REXO1: variants seen among roughly 807,000 people sequenced by gnomAD.
The protein encoded by REXO1 is RNA exonuclease 1 homolog.
REXO1 carries 42 observed loss-of-function variants against 102.6 expected under a neutral mutation model. The ratio of observed to expected loss-of-function variants is 0.41; its 90% CI spans 0.32 to 0.53. The LOEUF is 0.53. REXO1 is among the 20% of genes least tolerant of loss of function. REXO1 has a pLI of 0.27. For missense variants in REXO1, 1,819 were observed against 1,732.5 expected (o/e 1.05, Z -0.89); for synonymous variants, 908 against 779.1 (o/e 1.17, Z -2.76).
chr19:1,827,557 G>T lies in REXO1; in HGVS notation c.1232C>A (p.Pro411His). ...CTGCGGGCCCTTCTTGTCCGCACGG[G>T]GCTTCTCCACAGGCCGCCCTCGGCC... ...DKGRGRPVEK[P>H]RADKKGPQAS... is the part of the protein sequence containing the mutation. The change falls in exon 2 of 16, where the codon CCC becomes CAC. Residue 411 changes from proline (P) to histidine (H), a missense_variant. By Grantham distance (77) the Pro-to-His change is moderately conservative. Transcript: ENST00000170168. The T allele has an allele frequency of 6.3e-7, 1 of 1,595,056 alleles. No homozygotes were observed. The highest frequency in any genetic ancestry group is 8.5e-7 in the Non-Finnish European group (1 of 1,176,490).
At position 1,826,609 on chromosome 19, in the gene REXO1, G is replaced by A. The variant is rs1438828005; in HGVS notation, c.1911+269C>T. ...GGCCAATATCCCCCTGCCAGTCAGT[G>A]GGAACAGACCGTGTGCACGTGGCCA... On this transcript the variant is annotated intron_variant, in intron 2 of 15. Transcript: ENST00000170168. The surrounding 1 kb of genome is among the most constrained non-coding windows in gnomAD (Gnocchi z 4.3). Among the ~76,000 whole-genome samples, 2 of 152,078 alleles carry A rather than the reference G, an allele frequency of 1.3e-5. No individual in the cohort carries two copies. The highest frequency in any genetic ancestry group is 1.5e-5 in the Non-Finnish European group (1 of 67,994).
At chr19:1,825,134 T>C (rs1411239880) in intron 3 of REXO1, among the ~76,000 whole-genome samples, 1 of 149,650 alleles carries the variant, frequency 6.7e-6, no homozygotes, top group Non-Finnish European at 1.5e-5. Context: ...ACCCCGTCTC[T>C]ACTAAAGATA....
Position 1,817,972 on chromosome 19 carries a change from AT to A in REXO1, c.3017-193del, listed in dbSNP as rs140161394. ...TGGCAGCCAGGACGCCCAGGCCTGG[AT>A]CCAGGGAGACCAGTGCCCTCTGCAG... On this transcript the variant is annotated intron_variant, in intron 10 of 15. Transcript: ENST00000170168. 1.2e-4 allele frequency among the ~76,000 whole-genome samples: 19 copies of A among 152,296 alleles called. No individual in the cohort carries two copies. The East Asian group carries it at 3.1e-3, about 25-fold the overall frequency.
intron 1 of REXO1, among the ~76,000 whole-genome samples, chr19:1,839,484 C>T (rs11667211): frequency 0.095 from 14,401 of 152,266 alleles, 931 homozygotes; most frequent in Non-Finnish European, 0.14. Flanking sequence ...ACAGGCTGTT[C>T]CTAGGATGGG....
chr19:1,833,513 T>G (rs988388088), intron 1 of REXO1, among the ~76,000 whole-genome samples: 1 of 152,190 alleles, frequency 6.6e-6, no homozygotes, highest in Non-Finnish European at 1.5e-5. Context: ...GATCAGCAAC[T>G]GTGGCTGCCA....
At chr19:1,829,995 G>A (rs535202264) in intron 1 of REXO1, among the ~76,000 whole-genome samples, 2 of 152,124 alleles carry the variant, frequency 1.3e-5, no homozygotes, top group African/African-American at 2.4e-5. Flanking sequence ...CATGAGACTC[G>A]CATGTTATTT....
rs2069743937 is a variant in REXO1 at position 1,826,959 on chromosome 19, GGAGTCA to G, written c.1824_1829del (p.Ser610_Asp611del). 6.4e-7 allele frequency: 1 copy of G among 1,574,464 alleles called. No homozygotes were observed. The highest frequency in any genetic ancestry group is 1.3e-5 in the African/African-American group (1 of 74,166). On this transcript the variant is annotated inframe_deletion, in exon 2 of 16. Coordinates refer to ENST00000170168, the MANE Select transcript of REXO1 (RefSeq NM_020695.4). The surrounding 1 kb of genome is among the most constrained non-coding windows in gnomAD (Gnocchi z 4.3). ...TCCGCAGGCACTCCTCCATGGGGTC[GGAGTCA>G]AAGTCCACCTCCTTCTCCAGGGCCG...
chr19:1,818,985 G>A (rs1006281627), intron 8 of REXO1, 33 bp downstream of exon 8: 7 of 1,578,956 alleles, frequency 4.4e-6, no homozygotes, highest in Non-Finnish European at 5.2e-6. Flanking sequence ...GGCCCACGAA[G>A]CACCGTGTGG....
Position 1,828,414 on chromosome 19 carries a change from G to T in REXO1, c.375C>A (p.Pro125=). The change falls in exon 2 of 16, where the codon CCC becomes CCA. Residue 125 remains proline, a synonymous_variant. Coordinates refer to ENST00000170168, the MANE Select transcript of REXO1 (RefSeq NM_020695.4). ...TTREHRSAEA[P]ALAPRGPNAS... is the part of the protein sequence containing the mutation. ...CGTTGGGGCCGCGGGGCGCCAGGGC[G>T]GGGGCCTCGGCGGAGCGGTGCTCAC... is the stretch of plus-strand genomic sequence containing the variant. 8 of 1,607,480 alleles carry T rather than the reference G, an allele frequency of 5.0e-6. No homozygotes were observed. Among genetic ancestry groups the T allele is most frequent in the East Asian group, 2.2e-5 (1 of 44,680 alleles).
intron 1 of REXO1, among the ~76,000 whole-genome samples, chr19:1,830,055 C>G (rs1225387516): frequency 6.6e-6 from 1 of 152,168 alleles, no homozygotes; most frequent in Non-Finnish European, 1.5e-5. Flanking sequence ...TCAATGCCAC[C>G]AACGTCAGCA....
chr19:1,823,209 G>A (rs1428155716), intron 4 of REXO1: 4 of 255,958 alleles, frequency 1.6e-5, no homozygotes, highest in Non-Finnish European at 3.0e-5. Context: ...CCACTCACAC[G>A]CCAGGAGAAA....
In REXO1 at chr19:1,828,333, G is replaced by T. The variant is rs1178195619; in HGVS notation, c.456C>A (p.Ser152Arg). 2 of 1,609,984 alleles carry T rather than the reference G, an allele frequency of 1.2e-6. No individual in the cohort carries two copies. The highest frequency in any genetic ancestry group is 4.5e-5 in the East Asian group (2 of 44,796). Residue 152 changes from serine (S) to arginine (R), a missense_variant, in exon 2 of 16, where the codon AGC becomes AGA. Physicochemically the swap from Ser to Arg is moderately radical, Grantham distance 110. Transcript: ENST00000170168. Reference sequence around the variant, plus strand: ...GGCTTAATAGGCCGTGGCTGCCGGGGCTGTAGTCGAAGGCCAGTGGGAAGG... The same window carrying T: ...GGCTTAATAGGCCGTGGCTGCCGGGTCTGTAGTCGAAGGCCAGTGGGAAGG... ...EDAFPLAFDYSPGSHGLLSPD... is the reference protein window; with the variant it reads ...EDAFPLAFDYRPGSHGLLSPD...
rs141625450 is a variant in REXO1, at chr19:1,839,628, A to G, written c.157+8574T>C. On this transcript the variant is annotated intron_variant, in intron 1 of 15. Coordinates refer to ENST00000170168, the MANE Select transcript of REXO1 (RefSeq NM_020695.4). The stretch of plus-strand genomic sequence containing the variant: ...GGCAATGTGGGCCGACCCCGGCCCC[A>G]TCATTCATTCCTCCAGCACATGTTC... 2.9e-4 allele frequency among the ~76,000 whole-genome samples: 44 copies of G among 152,366 alleles called. 1 individual carries two copies. In the East Asian group the frequency reaches 8.5e-3, roughly 29 times the overall value.
Position 1,826,864 on chromosome 19 carries a change from C to T in REXO1, c.1911+14G>A, listed in dbSNP as rs777954135. On this transcript the variant is annotated intron_variant, in intron 2 of 15. Coordinates refer to ENST00000170168, the MANE Select transcript of REXO1 (RefSeq NM_020695.4). The surrounding 1 kb of genome is among the most constrained non-coding windows in gnomAD (Gnocchi z 4.3). Reference sequence around the variant, plus strand: ...CCTCTGCCCGAGCCCAGCCCCAGCACCCGCGCGCCTCACCTGCCGGGCCAG... The same window carrying T: ...CCTCTGCCCGAGCCCAGCCCCAGCATCCGCGCGCCTCACCTGCCGGGCCAG... The T allele has an allele frequency of 6.4e-6, 10 of 1,564,086 alleles. No individual in the cohort carries two copies. In the South Asian group the frequency reaches 1.2e-4, roughly 18 times the overall value.
chr19:1,815,591 G>A lies in REXO1; in HGVS notation c.*475C>T, dbSNP rs1342136066. ...CCGCAGGAGGGAAGGCAGCAGGCCC[G>A]CTCTTCCCGGTGGGAAAGATGCTGT... On this transcript the variant is annotated 3_prime_UTR_variant, in exon 16 of 16. Transcript: ENST00000170168. This position sits in a 1 kb window ranked among gnomAD's most constrained non-coding sequence, Gnocchi z 4.0. 22 of 738,046 alleles carry A rather than the reference G, an allele frequency of 3.0e-5. No individual in the cohort carries two copies. Among genetic ancestry groups the A allele is most frequent in the African/African-American group, 5.6e-5 (3 of 53,902 alleles). The allele number at this position is 738,046 out of a possible 1,614,324, so 45.7% of individuals were successfully genotyped here. A position where few individuals can be genotyped will look rare whatever the true frequency, so the allele number is the denominator to read the frequency against.
chr19:1,826,946 C>A lies in REXO1; in HGVS notation c.1843G>T (p.Glu615Ter). ...EVDFDSDPME[E>*]CLRIFNESTS... is the part of the protein sequence containing the mutation. ...GACTCGTTGAAGATCCGCAGGCACT[C>A]CTCCATGGGGTCGGAGTCAAAGTCC... is the stretch of plus-strand genomic sequence containing the variant. Residue 615 changes from glutamate to a stop codon, truncating the protein, a stop_gained, in exon 2 of 16, where the codon GAG becomes TAG. Coordinates refer to ENST00000170168, the MANE Select transcript of REXO1 (RefSeq NM_020695.4). LOFTEE classifies it high-confidence loss of function. The surrounding 1 kb of genome is among the most constrained non-coding windows in gnomAD (Gnocchi z 4.3). The A allele has an allele frequency of 1.3e-6, 2 of 1,581,624 alleles. No homozygotes were observed. Among genetic ancestry groups the A allele is most frequent in the South Asian group, 1.2e-5 (1 of 86,770 alleles).
intron 1 of REXO1, among the ~76,000 whole-genome samples, chr19:1,843,728 C>G (rs1312280488): frequency 1.3e-5 from 2 of 152,224 alleles, no homozygotes; most frequent in African/African-American, 4.8e-5. Flanking sequence ...ACGCGGCTCA[C>G]TGAGGATGAA....
At position 1,827,877 on chromosome 19, in the gene REXO1, G is replaced by T; in HGVS notation, c.912C>A (p.Ala304=). 6.2e-7 allele frequency: 1 copy of T among 1,613,692 alleles called. No homozygotes were observed. ...GGTCGGCCCTGGCTTTGGGGGTGCT[G>T]GCCGTGGTGGGCTCGTTACCTGGGA... ...ATVPGNEPTT[A]STPKARADPE... Residue 304 remains alanine (A), a synonymous_variant, in exon 2 of 16, where the codon GCC becomes GCA. Coordinates refer to ENST00000170168, the MANE Select transcript of REXO1 (RefSeq NM_020695.4).
Position 1,826,779 on chromosome 19 carries a change from C to T in REXO1, c.1911+99G>A. ...ACTGAGGAGCTGCCTCCACCCCGTG[C>T]CTCCGAGCCAACTGGAAACCACTCC... On this transcript the variant is annotated intron_variant, in intron 2 of 15. Transcript: ENST00000170168. This position sits in a 1 kb window ranked among gnomAD's most constrained non-coding sequence, Gnocchi z 4.3. 6.7e-7 allele frequency: 1 copy of T among 1,503,372 alleles called. No homozygotes were observed. The highest frequency in any genetic ancestry group is 8.8e-7 in the Non-Finnish European group (1 of 1,130,824). 93.1% of individuals were successfully genotyped at this position (1,503,372 alleles called of 1,614,324 possible).
Sources: gnomAD v4.1 joint callset for allele counts (sites outside exome capture counted in the v4.1 genomes callset) on GRCh38, gnomAD v4.1.1 for gene constraint, Gnocchi (gnomAD v3.1) non-coding constraint, MANE v1.5 for transcripts, NCBI Gene and HGNC (gene_info 2026-07-23, HGNC 2026-07-21) for gene names.